The following FBXO21 variants were observed in gnomAD, a reference collection of about 807,000 sequenced individuals.
The protein encoded by FBXO21 is F-box protein 21, also known as F-box only protein 21.
Under a neutral mutation model 76.6 loss-of-function variants are expected in FBXO21, and 32 were observed. The ratio of observed to expected loss-of-function variants is 0.42; its 90% CI spans 0.32 to 0.56. The LOEUF (loss-of-function observed/expected upper bound fraction) is 0.56. Among genes scored for constraint, FBXO21 ranks in the 20% least tolerant of loss-of-function variants. FBXO21 has a pLI of 0.16. For synonymous variants in FBXO21, 328 were observed against 311.5 expected (o/e 1.05, Z -0.56); for missense variants, 586 against 797.3 (o/e 0.73, Z 3.19).
chr12:117,157,899 G>T lies in FBXO21; in HGVS notation c.1491C>A (p.Ser497=), dbSNP rs1955935233. 1 of 1,610,954 alleles carries T rather than the reference G, an allele frequency of 6.2e-7. No homozygotes were observed. The highest frequency in any genetic ancestry group is 8.5e-7 in the Non-Finnish European group (1 of 1,177,714). Residue 497 remains serine (S), a synonymous_variant, in exon 10 of 12, where the codon TCC becomes TCA. Transcript: ENST00000622495. ...TCTTATGCTTCATAATGAGCCCGAT[G>T]GAGTAGCAGACATCTCTGTGCTTCT... ...SDEKHRDVCY[S]IGLIMKHKRY... is the part of the protein sequence containing the mutation.
At chr12:117,164,876 G>A (rs1956033151) in intron 9 of FBXO21, among the ~76,000 whole-genome samples, 1 of 152,176 alleles carries the variant, frequency 6.6e-6, no homozygotes, top group African/African-American at 2.4e-5. Flanking sequence ...GCTGGCTCCT[G>A]CACCATTATA....
At chr12:117,167,412 AACC>A (rs1466954269) in intron 7 of FBXO21, among the ~76,000 whole-genome samples, 3 of 152,208 alleles carry the variant, frequency 2.0e-5, no homozygotes, top group Admixed American at 6.5e-5. Flanking sequence ...AGCAGCAGGT[AACC>A]GTCTGTGGAT....
intron 3 of FBXO21, among the ~76,000 whole-genome samples, chr12:117,181,052 G>A (rs10850794): frequency 0.2 from 30,320 of 152,104 alleles, 3,427 homozygotes; most frequent in East Asian, 0.43. Flanking sequence ...CTCCCCTAGA[G>A]CCCTCATTTG....
At chr12:117,179,946 G>A (rs978209907) in intron 3 of FBXO21, among the ~76,000 whole-genome samples, 6 of 146,216 alleles carry the variant, frequency 4.1e-5, no homozygotes, top group Non-Finnish European at 1.5e-5. Context: ...ATCCTTCAAA[G>A]GTGACCAATT....
In FBXO21 at chr12:117,190,413, G is replaced by A. The variant is rs1467137036; in HGVS notation, c.44C>T (p.Ala15Val). The A allele has an allele frequency of 2.0e-6, 3 of 1,482,204 alleles. No individual in the cohort carries two copies. Among genetic ancestry groups the A allele is most frequent in the Admixed American group, 2.3e-5 (1 of 44,174 alleles). 91.8% of individuals were successfully genotyped at this position (1,482,204 alleles called of 1,614,324 possible). A position where few individuals can be genotyped will look rare whatever the true frequency, so the allele number is the denominator to read the frequency against. Residue 15 changes from alanine to valine, a missense_variant, in exon 1 of 12, where the codon GCG (alanine) becomes GTG (valine). By Grantham distance (64) the Ala-to-Val change is moderately conservative. Transcript: ENST00000622495. ...AVDSAMEVVP[A>V]LAEEAAPEVA... Reference sequence around the variant, plus strand: ...CTCCGGCGCGGCCTCCTCCGCCAGCGCCGGCACCACCTCCATCGCGCTGTC... The same window carrying A: ...CTCCGGCGCGGCCTCCTCCGCCAGCACCGGCACCACCTCCATCGCGCTGTC...
intron 4 of FBXO21, among the ~76,000 whole-genome samples, chr12:117,175,576 G>T (rs1398480097): frequency 6.6e-6 from 1 of 152,200 alleles, no homozygotes; most frequent in Non-Finnish European, 1.5e-5. Flanking sequence ...GCAGTTGAAC[G>T]GGTGTCAAGA....
At position 117,177,508 on chromosome 12, in the gene FBXO21, G is replaced by C. The variant is rs76604327; in HGVS notation, c.592+12C>G. 3.3e-4 allele frequency: 533 copies of C among 1,610,722 alleles called. 1 individual carries two copies. In the African/African-American group the frequency reaches 6.6e-3, roughly 20 times the overall value. On this transcript the variant is annotated intron_variant, in intron 4 of 11. Coordinates refer to ENST00000622495, the MANE Select transcript of FBXO21 (RefSeq NM_015002.3). ...GAAATACTACTGTCCACATATATGGGAAAAGACCCACCTTCAAGATACGAC... is the reference window on the plus strand; with the variant it reads ...GAAATACTACTGTCCACATATATGGCAAAAGACCCACCTTCAAGATACGAC...
At chr12:117,173,571 C>T (rs543041652) in intron 6 of FBXO21, among the ~76,000 whole-genome samples, 1 of 152,322 alleles carries the variant, frequency 6.6e-6, no homozygotes, top group Admixed American at 6.5e-5. Context: ...CACAGGTTCT[C>T]CCAAATGGCT....
intron 4 of FBXO21, among the ~76,000 whole-genome samples, chr12:117,176,724 A>G (rs1376498929): frequency 6.6e-6 from 1 of 152,176 alleles, no homozygotes; most frequent in East Asian, 1.9e-4. Context: ...TGAGCACGGG[A>G]GTTTGAATCT....
chr12:117,163,500 T>C, intron 9 of FBXO21, among the ~76,000 whole-genome samples: 1 of 151,990 alleles, frequency 6.6e-6, no homozygotes, highest in Non-Finnish European at 1.5e-5. Flanking sequence ...GCCACTGCAC[T>C]CCAGCCTGGG....
At chr12:117,170,948 C>T (rs931949735) in intron 7 of FBXO21, among the ~76,000 whole-genome samples, 1 of 152,006 alleles carries the variant, frequency 6.6e-6, no homozygotes, top group Non-Finnish European at 1.5e-5. Flanking sequence ...GAAATTGGGT[C>T]CCCACTATCC....
intron 4 of FBXO21, among the ~76,000 whole-genome samples, chr12:117,175,720 A>G (rs1257469288): frequency 6.6e-6 from 1 of 152,210 alleles, no homozygotes; most frequent in Non-Finnish European, 1.5e-5. Context: ...TCCTAATGCT[A>G]TGATTCCCAG....
rs1181446142 is a variant in FBXO21 at position 117,190,286 on chromosome 12, G to A, written c.171C>T (p.Ser57=). The change falls in exon 1 of 12, where the codon AGC becomes AGT. Residue 57 remains serine (S), a synonymous_variant. Coordinates refer to ENST00000622495, the MANE Select transcript of FBXO21 (RefSeq NM_015002.3). ...LTAADIGRVS[S]TCRRLRELCQ... ...ACAGCTCGCGCAGCCGCCGGCAGGT[G>A]CTGGAGACACGGCCGATGTCGGCGG... The A allele has an allele frequency of 6.5e-7, 1 of 1,541,022 alleles. No homozygotes were observed. Among genetic ancestry groups the A allele is most frequent in the Non-Finnish European group, 8.7e-7 (1 of 1,154,594 alleles).
At chr12:117,150,113 T>C (rs1267633437) in intron 11 of FBXO21, among the ~76,000 whole-genome samples, 1 of 152,160 alleles carries the variant, frequency 6.6e-6, no homozygotes, top group Admixed American at 6.5e-5. Context: ...CAACTATGTA[T>C]TATGAAAGAA....
intron 11 of FBXO21, among the ~76,000 whole-genome samples, chr12:117,147,710 C>T (rs999997900): frequency 1.6e-4 from 24 of 152,100 alleles, no homozygotes; most frequent in African/African-American, 5.6e-4. Flanking sequence ...AGTTAAAGGA[C>T]GGTGCTTTGT....
chr12:117,173,018 G>A (rs910171461), intron 6 of FBXO21, among the ~76,000 whole-genome samples: 1 of 151,520 alleles, frequency 6.6e-6, no homozygotes, highest in Non-Finnish European at 1.5e-5. Context: ...AGACTACATG[G>A]CCCTCAATGC....
At chr12:117,186,013 C>T (rs1340519436) in intron 3 of FBXO21, among the ~76,000 whole-genome samples, 1 of 151,996 alleles carries the variant, frequency 6.6e-6, no homozygotes, top group East Asian at 1.9e-4. Context: ...GCTGGGATTA[C>T]AGGTGTGTAC....
rs772251411 is a variant in FBXO21 at position 117,143,198 on chromosome 12, C to T, written c.*2889G>A. On this transcript the variant is annotated 3_prime_UTR_variant, in exon 12 of 12. Coordinates refer to ENST00000622495, the MANE Select transcript of FBXO21 (RefSeq NM_015002.3). ...AGCATGTCTGCAAACACCGGACCCCCGGGGACGGTGCGTGCGTGTAGGGGA... is the reference window on the plus strand; with the variant it reads ...AGCATGTCTGCAAACACCGGACCCCTGGGGACGGTGCGTGCGTGTAGGGGA... 1.3e-5 allele frequency: 2 copies of T among 152,158 alleles called. No homozygotes were observed. Among genetic ancestry groups the T allele is most frequent in the Non-Finnish European group, 2.9e-5 (2 of 68,022 alleles). 9.4% of individuals were successfully genotyped at this position (152,158 alleles called of 1,614,324 possible).
At position 117,174,756 on chromosome 12, in the gene FBXO21, T is replaced by C; in HGVS notation, c.634A>G (p.Ile212Val). 6.2e-7 allele frequency: 1 copy of C among 1,614,192 alleles called. No homozygotes were observed. Among genetic ancestry groups the C allele is most frequent in the Non-Finnish European group, 8.5e-7 (1 of 1,180,010 alleles). Residue 212 changes from isoleucine (I) to valine (V), a missense_variant, in exon 5 of 12, where the codon ATC becomes GTC. By Grantham distance (29) the Ile-to-Val change is conservative (BLOSUM62 3). This residue lies in a region of FBXO21 where 246 missense variants were observed against 356.8 expected (regional missense o/e 0.69). Coordinates refer to ENST00000622495, the MANE Select transcript of FBXO21 (RefSeq NM_015002.3). ...TGGGCCTGGATGTCTTTGAGGCTGATGTCGGAGAGAGGATTGCAGTACTGG... is the reference window on the plus strand; with the variant it reads ...TGGGCCTGGATGTCTTTGAGGCTGACGTCGGAGAGAGGATTGCAGTACTGG... ...IDQYCNPLSDISLKDIQAQID... is the reference protein window; with the variant it reads ...IDQYCNPLSDVSLKDIQAQID...
Sources: gnomAD v4.1 joint callset for allele counts (sites outside exome capture counted in the v4.1 genomes callset) on GRCh38, gnomAD v4.1.1 for gene constraint, gnomAD v4.1.1 regional missense constraint, MANE v1.5 for transcripts, NCBI Gene and HGNC (gene_info 2026-07-23, HGNC 2026-07-21) for gene names.